IFIH1: variants seen among roughly 807,000 people sequenced by gnomAD.
The protein encoded by IFIH1 is interferon-induced helicase C domain-containing protein 1.
A neutral mutation model predicts 107.4 loss-of-function variants in IFIH1; 125 were observed. The ratio of observed to expected loss-of-function variants is 1.16; its 90% confidence interval spans 1.01 to 1.35. The LOEUF (loss-of-function observed/expected upper bound fraction) is 1.35, where lower values mean the gene tolerates loss of function less well. Among genes scored for constraint, IFIH1 ranks in the 40% most tolerant of loss-of-function variants. IFIH1 has a pLI of 0.00. For synonymous variants in IFIH1, 458 were observed against 413.2 expected, an observed-to-expected ratio of 1.11 and a Z score of -1.31; for missense variants, 1,333 against 1,213.7, an observed-to-expected ratio of 1.10 and a Z score of -1.46.
intron 5 of IFIH1, among the ~76,000 whole-genome samples, chr2:162,282,960 G>T (rs754667440): frequency 4.0e-5 from 6 of 150,574 alleles, no homozygotes; most frequent in Non-Finnish European, 8.9e-5. Context: ...CAAAAAAGGG[G>T]AATTTGAAGG....
At chr2:162,275,286 T>C (rs2105195121) in intron 11 of IFIH1, among the ~76,000 whole-genome samples, 3 of 152,282 alleles carry the variant, frequency 2.0e-5, no homozygotes, top group Middle Eastern at 3.4e-3. Flanking sequence ...GCTTTTCATT[T>C]GCACTCTACC....
At chr2:162,268,399 A>G (rs1387449802) in intron 13 of IFIH1, 122 bp from the exon 14 acceptor site, 1 of 605,504 alleles carries the variant, frequency 1.7e-6, no homozygotes, top group Non-Finnish European at 2.8e-6. Context: ...CTTATGGTCT[A>G]GGAAATAAAA....
Position 162,273,840 on chromosome 2 carries a change from A to C in IFIH1, c.2409T>G (p.Ile803Met). ...EEGLDIKECN[I>M]VIRYGLVTNE... ...TGGTGACGAGACCATAACGGATAAC[A>C]ATGTTACATTCTTTAATATCCAGAC... Residue 803 changes from isoleucine to methionine, a missense_variant, in exon 12 of 16, where the codon ATT becomes ATG. By Grantham distance (10) the Ile-to-Met change is conservative. Coordinates refer to ENST00000649979, the MANE Select transcript of IFIH1 (RefSeq NM_022168.4). The C allele has an allele frequency of 6.2e-7, 1 of 1,610,734 alleles. No individual in the cohort carries two copies. The highest frequency in any genetic ancestry group is 8.5e-7 in the Non-Finnish European group (1 of 1,178,038).
At chr2:162,280,203 A>G in intron 7 of IFIH1, 91 bp from the exon 8 acceptor site, 1 of 729,530 alleles carries the variant, frequency 1.4e-6, no homozygotes, top group East Asian at 2.5e-5. Flanking sequence ...AAAAATATGT[A>G]GCATTAAATT....
Position 162,272,394 on chromosome 2 carries a change from A to T in IFIH1, c.2455-7T>A, listed in dbSNP as rs41399348. Reference sequence around the variant, plus strand: ...CTCTGGCTCGACCACGGGCCTGAAAACACAAATAAATCAAGTAAATGAAAG... The same window carrying T: ...CTCTGGCTCGACCACGGGCCTGAAATCACAAATAAATCAAGTAAATGAAAG... On this transcript the variant is annotated splice_polypyrimidine_tract_variant and splice_region_variant and intron_variant, in intron 12 of 15. Transcript: ENST00000649979. 3.7e-3 allele frequency: 5,906 copies of T among 1,609,298 alleles called. 212 individuals are homozygous for T. The African/African-American group carries it at 0.072, about 20-fold the overall frequency.
rs750467622 is a variant in IFIH1, at chr2:162,268,170, T to A, written c.2724A>T (p.Lys908Asn). 1.9e-6 allele frequency: 3 copies of A among 1,613,680 alleles called. No homozygotes were observed. The highest frequency in any genetic ancestry group is 1.7e-6 in the Non-Finnish European group (2 of 1,179,740). The part of the protein sequence containing the change: ...NNPSLITFLC[K>N]NCSVLACSGE... ...CAGAACAGGCTAGCACACTGCAGTT[T>A]TTGCAAAGGAAAGTTATTAGTGATG... The change falls in exon 14 of 16, where the codon AAA (lysine) becomes AAT (asparagine). Residue 908 changes from lysine to asparagine, a missense_variant. Coordinates refer to ENST00000649979, the MANE Select transcript of IFIH1 (RefSeq NM_022168.4).
chr2:162,270,237 T>C (rs957831745), intron 13 of IFIH1, among the ~76,000 whole-genome samples: 9 of 152,118 alleles, frequency 5.9e-5, no homozygotes, highest in African/African-American at 2.2e-4. Context: ...AGCAAAAAAA[T>C]TGAATCAATG....
intron 5 of IFIH1, 133 bp from the exon 6 acceptor site, chr2:162,282,709 T>A: frequency 1.6e-6 from 1 of 609,024 alleles, no homozygotes. Flanking sequence ...ATAACAACGT[T>A]CCCATCACTC....
At position 162,288,954 on chromosome 2, in the gene IFIH1, C is replaced by CACAG. The variant is rs762870525; in HGVS notation, c.875-603_875-600dup. Reference sequence around the variant, plus strand: ...ACACACACACACACACACACACACACACAGACACCCTATCTATCTCAAGTT... The same window carrying CACAG: ...ACACACACACACACACACACACACACACAGACAGACACCCTATCTATCTCAAGTT... On this transcript the variant is annotated intron_variant, in intron 4 of 15. Coordinates refer to ENST00000649979, the MANE Select transcript of IFIH1 (RefSeq NM_022168.4). 1.0e-3 allele frequency among the ~76,000 whole-genome samples: 151 copies of CACAG among 149,508 alleles called. 12 individuals carry two copies. Among genetic ancestry groups the CACAG allele is most frequent in the Admixed American group, 1.7e-3 (26 of 15,010 alleles).
chr2:162,278,104 C>G (rs1055770106), intron 9 of IFIH1, 101 bp downstream of exon 9: 2 of 946,996 alleles, frequency 2.1e-6, no homozygotes, highest in Non-Finnish European at 3.2e-6. Flanking sequence ...CTATTTGGAA[C>G]TACTTTTGCT....
At chr2:162,305,571 A>AAAAATAAAATAAAAT (rs565732809) in intron 3 of IFIH1, among the ~76,000 whole-genome samples, 2 of 152,022 alleles carry the variant, frequency 1.3e-5, no homozygotes, top group African/African-American at 4.8e-5. Flanking sequence ...TTCCATCTCC[A>AAAAATAAAATAAAAT]AAAATAAAAT....
intron 4 of IFIH1, among the ~76,000 whole-genome samples, chr2:162,291,057 T>C (rs1682988463): frequency 6.6e-6 from 1 of 151,872 alleles, no homozygotes; most frequent in South Asian, 2.1e-4. Flanking sequence ...AAAAGCATAA[T>C]CAATTAAATG....
intron 2 of IFIH1, among the ~76,000 whole-genome samples, chr2:162,307,520 A>C (rs988379993): frequency 6.6e-6 from 1 of 152,134 alleles, no homozygotes; most frequent in East Asian, 1.9e-4. Context: ...TCTTTCCTCC[A>C]TTCCTCACTT....
chr2:162,309,002 G>GC (rs1449515192), intron 2 of IFIH1, among the ~76,000 whole-genome samples: 5 of 152,164 alleles, frequency 3.3e-5, no homozygotes, highest in Non-Finnish European at 7.3e-5. Context: ...AACCAGTTGA[G>GC]CTACATGTTT....
intron 1 of IFIH1, among the ~76,000 whole-genome samples, chr2:162,314,178 C>A (rs1446742665): frequency 6.6e-6 from 1 of 152,150 alleles, no homozygotes. Context: ...TAAGATGTAA[C>A]AATGCCAAAT....
chr2:162,270,388 T>C (rs1691012423), intron 13 of IFIH1, among the ~76,000 whole-genome samples: 1 of 152,180 alleles, frequency 6.6e-6, no homozygotes, highest in African/African-American at 2.4e-5. Flanking sequence ...TCATTAGTGG[T>C]TGTCTGAAGA....
intron 4 of IFIH1, among the ~76,000 whole-genome samples, chr2:162,288,918 C>CACAG (rs1682945158): frequency 1.5e-5 from 1 of 67,150 alleles, no homozygotes; most frequent in African/African-American, 1.5e-4. Flanking sequence ...TACCAAAAAG[C>CACAG]ACACACACAC....
intron 14 of IFIH1, 54 bp downstream of exon 14, chr2:162,268,033 C>T (rs1182215267): frequency 7.9e-7 from 1 of 1,266,126 alleles, no homozygotes; most frequent in Non-Finnish European, 1.1e-6. Context: ...ATTTACAATG[C>T]AACCTGCTTC....
chr2:162,302,154 T>C (rs941763324), intron 3 of IFIH1, among the ~76,000 whole-genome samples: 4 of 152,048 alleles, frequency 2.6e-5, no homozygotes, highest in Middle Eastern at 3.2e-3. Context: ...AGTTTCAAGG[T>C]GGGCCACTGT....
Sources: gnomAD v4.1 joint callset for allele counts (sites outside exome capture counted in the v4.1 genomes callset) on GRCh38, gnomAD v4.1.1 for gene constraint, MANE v1.5 for transcripts, NCBI Gene and HGNC (gene_info 2026-07-23, HGNC 2026-07-21) for gene names.